The following WDR88 variants were observed in gnomAD, a reference collection of about 807,000 sequenced individuals.
WDR88 encodes the protein WD repeat-containing protein 88.
In WDR88, 40 loss-of-function variants were observed where a neutral mutation model predicts 46.8. That is an observed-to-expected ratio of 0.86 (90% CI 0.66 to 1.11). The LOEUF is 1.11. WDR88 is among the 50% of genes most tolerant of loss of function. The probability of loss-of-function intolerance (pLI) is 0.00; values close to 1 mark genes in which losing one functional copy is unlikely to be tolerated. For missense variants in WDR88, 562 were observed against 602.4 expected, an observed-to-expected ratio of 0.93 and a Z score of 0.70; for synonymous variants, 235 against 240.7, an observed-to-expected ratio of 0.98 and a Z score of 0.22.
intron 2 of WDR88, among the ~76,000 whole-genome samples, chr19:33,138,693 T>C (rs1973328937): frequency 6.7e-6 from 1 of 149,108 alleles, no homozygotes; most frequent in Non-Finnish European, 1.5e-5. Context: ...TTTTCTTTTT[T>C]TTTTTTTTGA....
chr19:33,163,042 A>G (rs980026129), intron 8 of WDR88, among the ~76,000 whole-genome samples: 3 of 152,142 alleles, frequency 2.0e-5, no homozygotes, highest in African/African-American at 7.2e-5. Context: ...TATTAAAAAT[A>G]CAAACATTAG....
intron 10 of WDR88, among the ~76,000 whole-genome samples, 198 bp downstream of exon 10, chr19:33,172,638 A>C (rs1349876293): frequency 6.6e-6 from 1 of 152,176 alleles, no homozygotes; most frequent in Admixed American, 6.5e-5. Flanking sequence ...AGTAAGTCTC[A>C]TGGTGATAAG....
intron 10 of WDR88, among the ~76,000 whole-genome samples, chr19:33,173,937 G>A (rs1262516171): frequency 2.0e-5 from 3 of 152,096 alleles, no homozygotes; most frequent in Non-Finnish European, 4.4e-5. Flanking sequence ...TGCAACCTCC[G>A]CCTCCCGGGT....
At chr19:33,174,845 G>A in intron 10 of WDR88, 1 of 985,408 alleles carries the variant, frequency 1.0e-6, no homozygotes, top group South Asian at 4.7e-5. Flanking sequence ...GACATGAGCT[G>A]GCAGGAGACA....
chr19:33,139,230 G>A (rs1022770222), intron 2 of WDR88, among the ~76,000 whole-genome samples: 1 of 152,236 alleles, frequency 6.6e-6, no homozygotes, highest in African/African-American at 2.4e-5. Flanking sequence ...CCGGGGATGG[G>A]GCTGTGAGGT....
chr19:33,150,841 G>T (rs537208009), intron 5 of WDR88, among the ~76,000 whole-genome samples: 1 of 152,074 alleles, frequency 6.6e-6, no homozygotes, highest in Non-Finnish European at 1.5e-5. Flanking sequence ...CTGGCTTTTC[G>T]GGCCCTTCCT....
chr19:33,174,240 C>A (rs1313499353), intron 10 of WDR88: 1 of 1,536,308 alleles, frequency 6.5e-7, no homozygotes, highest in African/African-American at 1.4e-5. Flanking sequence ...ATTTGACTTG[C>A]TCTGAATCAA....
At chr19:33,152,185 T>C (rs950495362) in intron 6 of WDR88, among the ~76,000 whole-genome samples, 3 of 151,834 alleles carry the variant, frequency 2.0e-5, no homozygotes, top group Admixed American at 2.0e-4. Flanking sequence ...TGAGCCAAGA[T>C]TGTGCCACTG....
chr19:33,159,616 C>T (rs559757452), intron 7 of WDR88, among the ~76,000 whole-genome samples: 12 of 152,052 alleles, frequency 7.9e-5, no homozygotes, highest in East Asian at 3.9e-4. Flanking sequence ...GACCAGAGCT[C>T]GCAGGAAACT....
At chr19:33,171,945 G>C (rs1974045780) in intron 9 of WDR88, among the ~76,000 whole-genome samples, 1 of 152,068 alleles carries the variant, frequency 6.6e-6, no homozygotes, top group African/African-American at 2.4e-5. Flanking sequence ...AGCTATTTTT[G>C]TATTTTTAGT....
intron 9 of WDR88, among the ~76,000 whole-genome samples, chr19:33,169,666 CAAAAAAAAAA>C (rs33941385): frequency 2.4e-5 from 2 of 81,748 alleles, no homozygotes; most frequent in African/African-American, 8.6e-5. Flanking sequence ...GACCCAGTCT[CAAAAAAAAAA>C]AAAAAAAAAA....
At chr19:33,135,052 T>TTG (rs1973231700) in intron 1 of WDR88, among the ~76,000 whole-genome samples, 1 of 20,072 alleles carries the variant, frequency 5.0e-5, no homozygotes, top group African/African-American at 1.1e-4. Flanking sequence ...CTGGGGTGGG[T>TTG]GGGTGGGGGG....
chr19:33,156,279 C>A, intron 6 of WDR88, 76 bp from the exon 7 acceptor site: 2 of 1,468,650 alleles, frequency 1.4e-6, no homozygotes, highest in Non-Finnish European at 1.8e-6. Flanking sequence ...GGAGAAAATA[C>A]CCCCGGCTTT....
chr19:33,163,074 C>G (rs61343523), intron 8 of WDR88, among the ~76,000 whole-genome samples: 31,497 of 151,898 alleles, frequency 0.21, 4,734 homozygotes, highest in African/African-American at 0.4. Flanking sequence ...TGGCTCACGC[C>G]TGTAATCCCA....
At chr19:33,170,581 C>T (rs944445145) in intron 9 of WDR88, among the ~76,000 whole-genome samples, 3 of 152,006 alleles carry the variant, frequency 2.0e-5, no homozygotes, top group Non-Finnish European at 4.4e-5. Context: ...AAAATCTTGG[C>T]TGGGCACGGT....
At chr19:33,141,261 A>C (rs1194446170) in intron 2 of WDR88, among the ~76,000 whole-genome samples, 5 of 109,402 alleles carry the variant, frequency 4.6e-5, no homozygotes, top group African/African-American at 1.6e-4. Flanking sequence ...ACAGGATCTC[A>C]CTCTGTTGCC....
At chr19:33,151,154 C>G (rs775867401) in intron 5 of WDR88, 27 bp from the exon 6 acceptor site, 19 of 1,606,630 alleles carry the variant, frequency 1.2e-5, no homozygotes, top group Non-Finnish European at 1.6e-5. Flanking sequence ...GGCGTGGTCT[C>G]AAGTCCCTTT....
At chr19:33,133,313 C>T (rs915682757) in intron 1 of WDR88, among the ~76,000 whole-genome samples, 7 of 151,850 alleles carry the variant, frequency 4.6e-5, no homozygotes, top group Non-Finnish European at 8.8e-5. Context: ...TTTGGGAAGC[C>T]GAGATGAGCA....
At chr19:33,173,338 G>A (rs1568373465) in intron 10 of WDR88, among the ~76,000 whole-genome samples, 1 of 152,170 alleles carries the variant, frequency 6.6e-6, no homozygotes, top group Non-Finnish European at 1.5e-5. Flanking sequence ...CCATGCAAAA[G>A]GCTTAGGTGC....
Sources: gnomAD v4.1 joint callset for allele counts (sites outside exome capture counted in the v4.1 genomes callset) on GRCh38, gnomAD v4.1.1 for gene constraint, MANE v1.5 for transcripts, NCBI Gene and HGNC (gene_info 2026-07-23, HGNC 2026-07-21) for gene names.